Variants in CAVIN1 observed in about 807,000 individuals in gnomAD.
CAVIN1 encodes caveolae associated protein 1, also known as caveolae-associated protein 1.
In CAVIN1, 16 loss-of-function variants were observed where a neutral mutation model predicts 24.0. That is an observed-to-expected ratio of 0.67 (90% CI 0.45 to 1.01). The LOEUF is 1.01. Ranked by LOEUF, CAVIN1 falls within the 50% of genes least tolerant of loss-of-function variation. The pLI is 0.00. For missense variants in CAVIN1, 510 were observed against 551.7 expected (o/e 0.92, Z 0.76); for synonymous variants, 256 against 256.4 (o/e 1.00, Z 0.02).
chr17:42,411,192 C>CAAAAAAA (rs71157624), intron 1 of CAVIN1, among the ~76,000 whole-genome samples: 3 of 46,662 alleles, frequency 6.4e-5, no homozygotes, highest in Admixed American at 4.0e-4. Flanking sequence ...GACTATGTCT[C>CAAAAAAA]AAAAAAAAAA....
chr17:42,412,389 C>CATT, intron 1 of CAVIN1: 1 of 203,020 alleles, frequency 4.9e-6, no homozygotes, highest in Non-Finnish European at 7.6e-6. Flanking sequence ...AAATAAACCA[C>CATT]TTTTTTTTTT....
At position 42,404,725 on chromosome 17, in the gene CAVIN1, A is replaced by ACTC; in HGVS notation, c.1132_1134dup (p.Glu378dup). 1 of 1,494,444 alleles carries ACTC rather than the reference A, an allele frequency of 6.7e-7. No homozygotes were observed. Among genetic ancestry groups the ACTC allele is most frequent in the East Asian group, 2.5e-5 (1 of 40,804 alleles). The allele number at this position is 1,494,444 out of a possible 1,614,324, so 92.6% of individuals were successfully genotyped here. A position where few individuals can be genotyped will look rare whatever the true frequency, so the allele number is the denominator to read the frequency against. ...CTCTTGTCCACCAGCACGGCGTCCG[A>ACTC]CTCCTCGGTGATCTCCAGCAGCGCG... is the stretch of plus-strand genomic sequence containing the variant. On this transcript the variant is annotated inframe_insertion, in exon 2 of 2. Coordinates refer to ENST00000357037, the MANE Select transcript of CAVIN1 (RefSeq NM_012232.6).
rs143895719 is a variant in CAVIN1 at position 42,404,492 on chromosome 17, G to C, written c.*195C>G. On this transcript the variant is annotated 3_prime_UTR_variant, in exon 2 of 2. Transcript: ENST00000357037. ...CATTCCACTCGGACTGTGTCCAAGC[G>C]GGGGTTGTCCACTGCGGGGGCTGCC... is the stretch of plus-strand genomic sequence containing the variant. 3.7e-4 allele frequency: 172 copies of C among 461,892 alleles called. No homozygotes were observed. The highest frequency in any genetic ancestry group is 5.8e-4 in the Middle Eastern group (1 of 1,724). 28.6% of individuals were successfully genotyped at this position (461,892 alleles called of 1,614,324 possible).
chr17:42,407,625 G>T (rs1044206545), intron 1 of CAVIN1, among the ~76,000 whole-genome samples: 1 of 152,160 alleles, frequency 6.6e-6, no homozygotes, highest in East Asian at 1.9e-4. Context: ...CTGGGCATCA[G>T]CTCTGCTGGG....
Position 42,405,374 on chromosome 17 carries a change from C to T in CAVIN1, c.486G>A (p.Leu162=). 1 of 1,605,402 alleles carries T rather than the reference C, an allele frequency of 6.2e-7. No individual in the cohort carries two copies. Among genetic ancestry groups the T allele is most frequent in the Non-Finnish European group, 8.5e-7 (1 of 1,179,952 alleles). ...ATTTGCTGATGCTCAGTTTGGCCGG[C>T]AGCTTCACTTCATCCTAAGGGAAGA... ...KVMIYQDEVK[L]PAKLSISKSL... Residue 162 remains leucine (L), a synonymous_variant, in exon 2 of 2, where the codon CTG becomes CTA. Transcript: ENST00000357037.
At chr17:42,406,033 C>CT (rs2085444645) in intron 1 of CAVIN1, among the ~76,000 whole-genome samples, 1 of 152,166 alleles carries the variant, frequency 6.6e-6, no homozygotes, top group South Asian at 2.1e-4. Flanking sequence ...CGAATGGTGA[C>CT]TAAACAGACC....
At position 42,404,351 on chromosome 17, in the gene CAVIN1, T is replaced by G; in HGVS notation, c.*336A>C. 2 of 208,806 alleles carry G rather than the reference T, an allele frequency of 9.6e-6. No individual in the cohort carries two copies. The highest frequency in any genetic ancestry group is 1.4e-4 in the South Asian group (1 of 7,060). 12.9% of individuals were successfully genotyped at this position (208,806 alleles called of 1,614,324 possible). A position where few individuals can be genotyped will look rare whatever the true frequency, so the allele number is the denominator to read the frequency against. Reference sequence around the variant, plus strand: ...AATGACAGCAGCTGGGTGGGTGGTGTGGGGAGAGGCTGAGGGGAAGGCAGC... The same window carrying G: ...AATGACAGCAGCTGGGTGGGTGGTGGGGGGAGAGGCTGAGGGGAAGGCAGC... On this transcript the variant is annotated 3_prime_UTR_variant, in exon 2 of 2. Transcript: ENST00000357037.
intron 1 of CAVIN1, chr17:42,411,357 C>T: frequency 1.2e-6 from 1 of 833,186 alleles, no homozygotes; most frequent in Non-Finnish European, 1.4e-6. Context: ...AGTTCAGAAC[C>T]AGCCTGGGCA....
intron 1 of CAVIN1, among the ~76,000 whole-genome samples, chr17:42,411,207 A>AAAAAAAAAAAAAAAAAAAAAAAAAAC (rs758609413): frequency 1.4e-4 from 18 of 127,614 alleles, no homozygotes; most frequent in South Asian, 6.2e-4. Context: ...AAAAAAAAAA[A>AAAAAAAAAAAAAAAAAAAAAAAAAAC]AACTAAAAGG....
In CAVIN1 at chr17:42,423,251, A is replaced by G; in HGVS notation, c.-154T>C. 1 of 648,696 alleles carries G rather than the reference A, an allele frequency of 1.5e-6. No individual in the cohort carries two copies. Among genetic ancestry groups the G allele is most frequent in the Non-Finnish European group, 2.6e-6 (1 of 381,256 alleles). 40.2% of individuals were successfully genotyped at this position (648,696 alleles called of 1,614,324 possible). A position where few individuals can be genotyped will look rare whatever the true frequency, so the allele number is the denominator to read the frequency against. On this transcript the variant is annotated 5_prime_UTR_variant, in exon 1 of 2. Coordinates refer to ENST00000357037, the MANE Select transcript of CAVIN1 (RefSeq NM_012232.6). ...GTCCGTGCGCACCGGGACAGCGGCC[A>G]GAACTGCTGGGCGGGGGATCGGTGA...
intron 1 of CAVIN1, among the ~76,000 whole-genome samples, chr17:42,408,107 GGA>G (rs1368026445): frequency 1.3e-5 from 2 of 152,112 alleles, no homozygotes; most frequent in Admixed American, 1.3e-4. Flanking sequence ...ACCAAAGGGT[GGA>G]GAGAGCCCCT....
At position 42,402,666 on chromosome 17, in the gene CAVIN1, A is replaced by G. The variant is rs1053996909; in HGVS notation, c.*2021T>C. The G allele has an allele frequency of 8.6e-5, 12 of 140,230 alleles. No individual in the cohort carries two copies. Among genetic ancestry groups the G allele is most frequent in the Non-Finnish European group, 1.3e-4 (8 of 63,720 alleles). The allele number at this position is 140,230 out of a possible 1,614,324, so 8.7% of individuals were successfully genotyped here. On this transcript the variant is annotated 3_prime_UTR_variant, in exon 2 of 2. Coordinates refer to ENST00000357037, the MANE Select transcript of CAVIN1 (RefSeq NM_012232.6). ...GAGAACCGAGAAAGGGAAAAGGAAG[A>G]AAAAAAAAAAAAAAGCAAAGCTTTG...
At chr17:42,412,681 G>A (rs563178323) in intron 1 of CAVIN1, among the ~76,000 whole-genome samples, 7 of 151,612 alleles carry the variant, frequency 4.6e-5, no homozygotes, top group East Asian at 1.9e-4. Context: ...GCAGTGGCAC[G>A]ATCTTGGCTC....
intron 1 of CAVIN1, 136 bp downstream of exon 1, chr17:42,422,491 A>C: frequency 9.9e-6 from 2 of 201,104 alleles, no homozygotes; most frequent in African/African-American, 3.0e-5. Context: ...CACCGGAAGG[A>C]GGGTGGATCT....
At chr17:42,413,565 GGAAAAAAAAAAA>G (rs2085493668) in intron 1 of CAVIN1, among the ~76,000 whole-genome samples, 2 of 62,608 alleles carry the variant, frequency 3.2e-5, no homozygotes, top group African/African-American at 1.2e-4. Flanking sequence ...TCTCAAAAAG[GGAAAAAAAAAAA>G]AAAAAAAAAA....
At position 42,423,220 on chromosome 17, in the gene CAVIN1, A is replaced by G; in HGVS notation, c.-123T>C. On this transcript the variant is annotated 5_prime_UTR_variant, in exon 1 of 2. Coordinates refer to ENST00000357037, the MANE Select transcript of CAVIN1 (RefSeq NM_012232.6). ...GAGAGCGGAGAGCAGAGGAAACTCG[A>G]GCCACGTCCGTGCGCACCGGGACAG... The G allele has an allele frequency of 1.2e-6, 1 of 801,642 alleles. No individual in the cohort carries two copies. Among genetic ancestry groups the G allele is most frequent in the Non-Finnish European group, 1.9e-6 (1 of 516,920 alleles). 49.7% of individuals were successfully genotyped at this position (801,642 alleles called of 1,614,324 possible). A position where few individuals can be genotyped will look rare whatever the true frequency, so the allele number is the denominator to read the frequency against.
chr17:42,408,032 T>A (rs2085455660), intron 1 of CAVIN1, among the ~76,000 whole-genome samples: 2 of 151,792 alleles, frequency 1.3e-5, no homozygotes, highest in African/African-American at 2.4e-5. Flanking sequence ...ATATATATAT[T>A]AAAAAAAATT....
chr17:42,405,537 G>T, intron 1 of CAVIN1, 149 bp from the exon 2 acceptor site: 1 of 799,920 alleles, frequency 1.3e-6, no homozygotes, highest in Non-Finnish European at 2.1e-6. Context: ...AATGTGTGTA[G>T]GCTCACGCCT....
rs558595833 is a variant in CAVIN1, at chr17:42,405,136, C to A, written c.724G>T (p.Glu242Ter). ...FKKAFSKEKMEKTKVRTRENL... is the reference protein window; with the variant it reads ...FKKAFSKEKM ...TCGCGGGTACGCACCTTGGTCTTCT[C>A]CATCTTCTCCTTGGAGAAGGCCTTC... The change falls in exon 2 of 2, where the codon GAG (glutamate) becomes TAG (stop). Residue 242 changes from glutamate to a stop codon, truncating the protein, a stop_gained. Coordinates refer to ENST00000357037, the MANE Select transcript of CAVIN1 (RefSeq NM_012232.6). LOFTEE classifies it high-confidence loss of function. 6.2e-7 allele frequency: 1 copy of A among 1,614,026 alleles called. No individual in the cohort carries two copies. Among genetic ancestry groups the A allele is most frequent in the Admixed American group, 1.7e-5 (1 of 60,000 alleles).
Sources: allele counts gnomAD v4.1 joint callset (sites outside exome capture counted in the v4.1 genomes callset), GRCh38; gene constraint gnomAD v4.1.1; transcripts MANE v1.5; gene names NCBI Gene and HGNC (gene_info 2026-07-23, HGNC 2026-07-21).